Variants in MUSK observed in about 807,000 individuals in gnomAD.
MUSK encodes muscle associated receptor tyrosine kinase.
A neutral mutation model predicts 88.7 loss-of-function variants in MUSK; 55 were observed. The observed-to-expected ratio is 0.62, with a 90% confidence interval of 0.50 to 0.78. MUSK has a LOEUF of 0.78. Among genes scored for constraint, MUSK ranks in the 30% least tolerant of loss-of-function variants. The probability of loss-of-function intolerance (pLI) is 0.00; values close to 1 mark genes in which losing one functional copy is unlikely to be tolerated. For synonymous variants in MUSK, 387 were observed against 391.9 expected (o/e 0.99, Z 0.15); for missense variants, 1,015 against 1,074.3 (o/e 0.94, Z 0.77).
intron 1 of MUSK, among the ~76,000 whole-genome samples, chr9:110,681,022 T>TATATAATATAA (rs2076105633): frequency 4.8e-5 from 1 of 20,634 alleles, no homozygotes; most frequent in African/African-American, 4.2e-4. Flanking sequence ...ATAATATATA[T>TATATAATATAA]TATATATTAT....
chr9:110,682,927 T>C (rs1231404002), intron 2 of MUSK, 127 bp downstream of exon 2: 20 of 583,168 alleles, frequency 3.4e-5, no homozygotes, highest in Non-Finnish European at 5.1e-5. Context: ...AAGTACCTCA[T>C]GGAGAATGGG....
chr9:110,789,860 T>C (rs1442256790), intron 14 of MUSK, among the ~76,000 whole-genome samples: 2 of 152,164 alleles, frequency 1.3e-5, no homozygotes, highest in Non-Finnish European at 1.5e-5. Flanking sequence ...CATGTGGATA[T>C]GGAGGCCTAG....
rs1381351170 is a variant in MUSK, at chr9:110,801,417, G to A, written c.*429G>A. 1 of 154,046 alleles carries A rather than the reference G, an allele frequency of 6.5e-6. No individual in the cohort carries two copies. Among genetic ancestry groups the A allele is most frequent in the African/African-American group, 2.4e-5 (1 of 41,514 alleles). 9.5% of individuals were successfully genotyped at this position (154,046 alleles called of 1,614,324 possible). The stretch of plus-strand genomic sequence containing the variant: ...TGAAAGTAGCTTAATCGTCATGTAA[G>A]ACACTTAGGTGAAGTACAGAAAACT... On this transcript the variant is annotated 3_prime_UTR_variant, in exon 15 of 15. Transcript: ENST00000374448.
rs1019869512 is a variant in MUSK, at chr9:110,802,091, A to G, written c.*1103A>G. On this transcript the variant is annotated 3_prime_UTR_variant, in exon 15 of 15. Coordinates refer to ENST00000374448, the MANE Select transcript of MUSK (RefSeq NM_005592.4). ...TACACTTGTGGCTCTGAGTTATTTC[A>G]AAACTGATATTTCTGTGCATTCTGA... is the stretch of plus-strand genomic sequence containing the variant. 3.3e-5 allele frequency among the ~76,000 whole-genome samples: 5 copies of G among 152,196 alleles called. No individual in the cohort carries two copies. Among genetic ancestry groups the G allele is most frequent in the Admixed American group, 2.6e-4 (4 of 15,276 alleles).
chr9:110,800,431 A>G lies in MUSK; in HGVS notation c.2053A>G (p.Met685Val), dbSNP rs1184419043. 4.3e-6 allele frequency: 7 copies of G among 1,613,672 alleles called. No individual in the cohort carries two copies. The highest frequency in any genetic ancestry group is 1.1e-5 in the South Asian group (1 of 91,070). The part of the protein sequence containing the change: ...VCSLSHSDLS[M>V]RAQVSSPGPP... ...CAGCCTCAGTCACAGTGACTTGTCT[A>G]TGAGGGCTCAGGTCTCCAGCCCTGG... The change falls in exon 15 of 15, where the codon ATG becomes GTG. Residue 685 changes from methionine (M) to valine (V), a missense_variant. Physicochemically the swap from Met to Val is conservative, Grantham distance 21. Transcript: ENST00000374448.
At chr9:110,725,603 G>T (rs1338329375) in intron 5 of MUSK, among the ~76,000 whole-genome samples, 1 of 151,932 alleles carries the variant, frequency 6.6e-6, no homozygotes, top group African/African-American at 2.4e-5. Context: ...CAACAAAATA[G>T]GATGAAAATG....
chr9:110,723,762 T>C (rs2076847956), intron 5 of MUSK, among the ~76,000 whole-genome samples: 1 of 152,056 alleles, frequency 6.6e-6, no homozygotes, highest in Admixed American at 6.6e-5. Flanking sequence ...TTAAACTTCA[T>C]AAGTGATTCA....
chr9:110,771,161 C>T (rs112716746), intron 9 of MUSK, among the ~76,000 whole-genome samples: 15 of 96,426 alleles, frequency 1.6e-4, no homozygotes, highest in South Asian at 4.0e-4. Context: ...TCATTTCCTT[C>T]TTTTTTTTTT....
intron 8 of MUSK, among the ~76,000 whole-genome samples, chr9:110,763,026 T>A (rs890841789): frequency 6.6e-6 from 1 of 152,140 alleles, no homozygotes; most frequent in African/African-American, 2.4e-5. Flanking sequence ...GTTAATTAGC[T>A]CAATTTAGTC....
chr9:110,748,186 TTCCCTCCC>T (rs910021850), intron 7 of MUSK, among the ~76,000 whole-genome samples: 1 of 148,196 alleles, frequency 6.7e-6, no homozygotes, highest in African/African-American at 2.5e-5. Context: ...TCCTCCCTCC[TTCCCTCCC>T]TCCCTCTTCC....
chr9:110,777,039 A>G (rs906540068), intron 11 of MUSK, among the ~76,000 whole-genome samples: 2 of 152,136 alleles, frequency 1.3e-5, no homozygotes, highest in African/African-American at 2.4e-5. Flanking sequence ...CATTGAGCCA[A>G]TTCATGATCT....
intron 11 of MUSK, among the ~76,000 whole-genome samples, chr9:110,782,748 G>T (rs1366062039): frequency 6.6e-6 from 1 of 152,192 alleles, no homozygotes; most frequent in African/African-American, 2.4e-5. Flanking sequence ...AACTTGGGAT[G>T]ACTCAGTCCA....
At chr9:110,755,733 T>G (rs2077301956) in intron 7 of MUSK, among the ~76,000 whole-genome samples, 6 of 151,872 alleles carry the variant, frequency 4.0e-5, no homozygotes, top group Admixed American at 3.3e-4. Flanking sequence ...CACCCTTCCC[T>G]TCTTCCCTTT....
chr9:110,750,030 A>C (rs2077227983), intron 7 of MUSK, among the ~76,000 whole-genome samples: 1 of 151,344 alleles, frequency 6.6e-6, no homozygotes, highest in Non-Finnish European at 1.5e-5. Context: ...AAATCTATCA[A>C]TATATATTTA....
chr9:110,799,467 G>A (rs1295497151), intron 14 of MUSK, among the ~76,000 whole-genome samples: 1 of 152,160 alleles, frequency 6.6e-6, no homozygotes, highest in Non-Finnish European at 1.5e-5. Context: ...TTTTACTGCA[G>A]CAACTTAAAT....
intron 5 of MUSK, among the ~76,000 whole-genome samples, chr9:110,729,743 C>T (rs2131828380): frequency 6.6e-6 from 1 of 152,010 alleles, no homozygotes; most frequent in East Asian, 1.9e-4. Context: ...ATGGGAGCTC[C>T]TTGTGTCCTT....
Position 110,672,204 on chromosome 9 carries a change from C to T in MUSK, c.79+3221C>T, listed in dbSNP as rs1290895246. 3.3e-5 allele frequency among the ~76,000 whole-genome samples: 5 copies of T among 152,300 alleles called. No homozygotes were observed. In the East Asian group the frequency reaches 7.7e-4, roughly 24 times the overall value. On this transcript the variant is annotated intron_variant, in intron 1 of 14. Transcript: ENST00000374448. ...GCAGAAATTTCAAGATCTCTTTAAA[C>T]TCTACCTTATTTCCAAAGGTAAATG...
chr9:110,725,327 G>T (rs1328989496), intron 5 of MUSK, among the ~76,000 whole-genome samples: 1 of 151,984 alleles, frequency 6.6e-6, no homozygotes, highest in African/African-American at 2.4e-5. Context: ...TAGGTGGATA[G>T]AAGTGGGAAA....
chr9:110,689,670 A>ATGT (rs1291351279), intron 3 of MUSK, among the ~76,000 whole-genome samples: 1 of 8,592 alleles, frequency 1.2e-4, no homozygotes, highest in Non-Finnish European at 1.9e-4. Flanking sequence ...TATACATAGT[A>ATGT]TATTATATAT....
Sources: allele counts gnomAD v4.1 joint callset (sites outside exome capture counted in the v4.1 genomes callset), GRCh38; gene constraint gnomAD v4.1.1; transcripts MANE v1.5; gene names NCBI Gene and HGNC (gene_info 2026-07-23, HGNC 2026-07-21).